The following SEC16B variants were observed in gnomAD, a reference collection of about 807,000 sequenced individuals.
SEC16B encodes SEC16 homolog B, endoplasmic reticulum export factor, also known as protein transport protein Sec16B.
In SEC16B, 115 loss-of-function variants were observed where a neutral mutation model predicts 141.8. The observed-to-expected ratio is 0.81, with a 90% CI of 0.70 to 0.95. The LOEUF (loss-of-function observed/expected upper bound fraction) is 0.95, where lower values mean the gene tolerates loss of function less well. SEC16B is among the 40% of genes least tolerant of loss of function. The pLI, the probability that SEC16B is intolerant of heterozygous loss-of-function variation, is 0.00. For synonymous variants in SEC16B, 493 were observed against 492.5 expected (o/e 1.00, Z -0.01); for missense variants, 1,291 against 1,312.3 (o/e 0.98, Z 0.25).
chr1:177,967,958 C>T lies in SEC16B; in HGVS notation c.24G>A (p.Arg8=). 3 of 1,607,728 alleles carry T rather than the reference C, an allele frequency of 1.9e-6. No individual in the cohort carries two copies. The highest frequency in any genetic ancestry group is 2.6e-6 in the Non-Finnish European group (3 of 1,174,830). ...TGGCCTTCCCTCGTGTCTGGGGCAG[C>T]CTCTGGGGAGCCCAAAGTTCCATCC... MELWAPQ[R]LPQTRGKATA... is the part of the protein sequence containing the mutation. The change falls in exon 2 of 26, where the codon AGG becomes AGA. Residue 8 remains arginine (R), a synonymous_variant. Coordinates refer to ENST00000308284, the MANE Select transcript of SEC16B (RefSeq NM_033127.4).
In SEC16B at chr1:177,937,309, T is replaced by C; in HGVS notation, c.2408A>G (p.Glu803Gly). ...GTPRPFYSVPETHLPGTGSSV... is the reference protein window; with the variant it reads ...GTPRPFYSVPGTHLPGTGSSV... ...GCTGCCAGTCCCTGGTAGATGGGTCTCAGGAACTGAGTAAAAAGGCCTCGG... is the reference window on the plus strand; with the variant it reads ...GCTGCCAGTCCCTGGTAGATGGGTCCCAGGAACTGAGTAAAAAGGCCTCGG... Residue 803 changes from glutamate to glycine, a missense_variant, in exon 19 of 26, where the codon GAG becomes GGG. Glu to Gly is a moderately conservative substitution (Grantham distance 98). Coordinates refer to ENST00000308284, the MANE Select transcript of SEC16B (RefSeq NM_033127.4). 6.2e-7 allele frequency: 1 copy of C among 1,613,882 alleles called. No homozygotes were observed.
At chr1:177,961,790 A>C in intron 5 of SEC16B, 56 bp from the exon 6 acceptor site, 1 of 1,543,692 alleles carries the variant, frequency 6.5e-7, no homozygotes, top group Non-Finnish European at 8.9e-7. Flanking sequence ...TGGTCTTCTC[A>C]AGCGTTCCTT....
intron 2 of SEC16B, among the ~76,000 whole-genome samples, chr1:177,966,999 G>A (rs758889936): frequency 6.6e-6 from 1 of 152,092 alleles, no homozygotes; most frequent in East Asian, 1.9e-4. Flanking sequence ...GAACATAGAC[G>A]GCTTCCAACA....
chr1:177,941,097 CT>C (rs1193652106), intron 16 of SEC16B, among the ~76,000 whole-genome samples: 1 of 152,222 alleles, frequency 6.6e-6, no homozygotes, highest in Non-Finnish European at 1.5e-5. Flanking sequence ...TTCCATACGT[CT>C]GGGCAGGGCC....
intron 5 of SEC16B, among the ~76,000 whole-genome samples, chr1:177,962,609 G>A (rs1373313597): frequency 6.6e-6 from 1 of 151,926 alleles, no homozygotes; most frequent in Non-Finnish European, 1.5e-5. Context: ...AGCTGGGCAT[G>A]GTGGTGCACA....
chr1:177,973,578 G>A (rs1654048016), upstream of SEC16B, among the ~76,000 whole-genome samples: 1 of 152,168 alleles, frequency 6.6e-6, no homozygotes, highest in African/African-American at 2.4e-5. Flanking sequence ...ATGGGACAGT[G>A]CTCAAAACTT....
chr1:177,968,069 T>C (rs1653697508), intron 1 of SEC16B, 30 bp from the exon 2 acceptor site: 1 of 1,321,254 alleles, frequency 7.6e-7, no homozygotes, highest in East Asian at 2.5e-5. Context: ...GAAAAAATCA[T>C]CACTTGAAGC....
At chr1:177,939,961 C>A (rs571789941) in intron 17 of SEC16B, among the ~76,000 whole-genome samples, 184 bp from the exon 18 acceptor site, 2 of 152,134 alleles carry the variant, frequency 1.3e-5, no homozygotes, top group African/African-American at 4.8e-5. Flanking sequence ...CTGCTCAGAG[C>A]AGGCAGAGAT....
rs768388757 is a variant in SEC16B at position 177,958,197 on chromosome 1, T to TG, written c.1299dup (p.Ser434GlnfsTer14). On this transcript the variant is annotated frameshift_variant, in exon 10 of 26. Transcript: ENST00000308284. LOFTEE classifies it high-confidence loss of function. ...ACGATCTGCGCAGGTGTCTCCACACTGGGGGGGATCTCTCCCGTGAGCAGG... is the reference window on the plus strand; with the variant it reads ...ACGATCTGCGCAGGTGTCTCCACACTGGGGGGGGATCTCTCCCGTGAGCAGG... 1.8e-4 allele frequency: 284 copies of TG among 1,596,328 alleles called. No homozygotes were observed. Among genetic ancestry groups the TG allele is most frequent in the Non-Finnish European group, 2.3e-4 (264 of 1,170,820 alleles).
chr1:177,961,936 G>A (rs921389590), intron 5 of SEC16B, among the ~76,000 whole-genome samples: 3 of 152,112 alleles, frequency 2.0e-5, no homozygotes, highest in South Asian at 4.1e-4. Flanking sequence ...AGGGGCCCTT[G>A]AATTGAAATC....
intron 2 of SEC16B, among the ~76,000 whole-genome samples, chr1:177,966,584 G>A (rs918977145): frequency 2.7e-5 from 4 of 149,250 alleles, no homozygotes; most frequent in Admixed American, 2.7e-4. Flanking sequence ...TTTTTTTTTT[G>A]AGACAGAGCC....
chr1:177,959,441 TGATTTGCTCAA>T (rs2101977528), intron 8 of SEC16B: 1 of 185,422 alleles, frequency 5.4e-6, no homozygotes, highest in South Asian at 1.1e-4. Context: ...ATTGGCATTA[TGATTTGCTCAA>T]GATTATCCAA....
intron 11 of SEC16B, among the ~76,000 whole-genome samples, chr1:177,952,514 A>G (rs961553218): frequency 2.0e-5 from 3 of 152,190 alleles, no homozygotes; most frequent in African/African-American, 7.2e-5. Context: ...TCAGTAACCA[A>G]AGAGGCGTGG....
rs569461950 is a variant in SEC16B, at chr1:177,952,579, G to A, written c.1464-584C>T. On this transcript the variant is annotated intron_variant, in intron 11 of 25. Coordinates refer to ENST00000308284, the MANE Select transcript of SEC16B (RefSeq NM_033127.4). ...ACAAACCATGGGATATGCTTAACAA[G>A]GATATAATAAGCTCTACGGCTGATT... Among the ~76,000 whole-genome samples, 5 of 152,282 alleles carry A rather than the reference G, an allele frequency of 3.3e-5. No homozygotes were observed. The East Asian group carries it at 9.7e-4, about 29-fold the overall frequency.
At chr1:177,937,696 G>C (rs1207159965) in intron 18 of SEC16B, among the ~76,000 whole-genome samples, 183 bp from the exon 19 acceptor site, 4 of 152,136 alleles carry the variant, frequency 2.6e-5, no homozygotes, top group African/African-American at 7.2e-5. Context: ...CCTCATTGCT[G>C]TTTACAGAAT....
intron 11 of SEC16B, 32 bp downstream of exon 11, chr1:177,954,247 C>T (rs1395419035): frequency 6.6e-7 from 1 of 1,511,998 alleles, no homozygotes; most frequent in Middle Eastern, 1.8e-4. Context: ...CCTCTCTGCC[C>T]CACTGGCCTC....
At chr1:177,943,109 G>A (rs1365701221) in intron 15 of SEC16B, among the ~76,000 whole-genome samples, 1 of 152,152 alleles carries the variant, frequency 6.6e-6, no homozygotes, top group African/African-American at 2.4e-5. Flanking sequence ...ACAATGCCAG[G>A]CACGCAGAAG....
chr1:177,940,723 G>C lies in SEC16B; in HGVS notation c.2023-9C>G, dbSNP rs1381099878. ...TTCAGTTTCTCTGCTAGCTGTGCCA[G>C]GTTTCCAGATGGGTTAGGGGCAGAA... On this transcript the variant is annotated splice_polypyrimidine_tract_variant and intron_variant, in intron 16 of 25. Transcript: ENST00000308284. The C allele has an allele frequency of 6.2e-7, 1 of 1,608,636 alleles. No individual in the cohort carries two copies. The highest frequency in any genetic ancestry group is 1.3e-5 in the African/African-American group (1 of 74,808).
In SEC16B at chr1:177,954,294, C is replaced by T. The variant is rs1228153551; in HGVS notation, c.1448G>A (p.Ser483Asn). 3 of 1,565,784 alleles carry T rather than the reference C, an allele frequency of 1.9e-6. No individual in the cohort carries two copies. The highest frequency in any genetic ancestry group is 2.4e-5 in the East Asian group (1 of 42,116). The change falls in exon 11 of 26, where the codon AGC becomes AAC. Residue 483 changes from serine (S) to asparagine (N), a missense_variant. Physicochemically the swap from Ser to Asn is conservative, Grantham distance 46. This residue lies in a region of SEC16B where 681 missense variants were observed against 675.5 expected (regional missense o/e 1.01). Coordinates refer to ENST00000308284, the MANE Select transcript of SEC16B (RefSeq NM_033127.4). ...LSSKMDPQTYSWVMSGFTSTL... is the reference protein window; with the variant it reads ...LSSKMDPQTYNWVMSGFTSTL... Reference sequence around the variant, plus strand: ...CCTGACTCACCCACTCATGACCCAGCTGTAGGTCTGTGGGTCCATCTTGCT... The same window carrying T: ...CCTGACTCACCCACTCATGACCCAGTTGTAGGTCTGTGGGTCCATCTTGCT...
Sources: allele counts gnomAD v4.1 joint callset (sites outside exome capture counted in the v4.1 genomes callset), GRCh38; gene constraint gnomAD v4.1.1; regional missense constraint gnomAD v4.1.1; transcripts MANE v1.5; gene names NCBI Gene and HGNC (gene_info 2026-07-23, HGNC 2026-07-21).